Variants in KL observed in about 807,000 individuals in gnomAD.
KL encodes klotho, also known as alpha-klotho.
In KL, 62 loss-of-function variants were observed where a neutral mutation model predicts 84.2. The ratio of observed to expected loss-of-function variants is 0.74; its 90% CI spans 0.60 to 0.91. The LOEUF (loss-of-function observed/expected upper bound fraction) is 0.91. Among genes scored for constraint, KL ranks in the 40% least tolerant of loss-of-function variants. The pLI, the probability that KL is intolerant of heterozygous loss-of-function variation, is 0.00. For missense variants in KL, 1,261 were observed against 1,305.7 expected, an observed-to-expected ratio of 0.97 and a Z score of 0.53; for synonymous variants, 528 against 528.0, an observed-to-expected ratio of 1.00 and a Z score of 0.00.
rs560526717 is a variant in KL at position 33,058,506 on chromosome 13, A to G, written c.1600-2173A>G. Among the ~76,000 whole-genome samples, 27 of 151,956 alleles carry G rather than the reference A, an allele frequency of 1.8e-4. No individual in the cohort carries two copies. In the East Asian group the frequency reaches 4.3e-3, roughly 24 times the overall value. ...CAGGTGCCCGCCACCGCACCCGGCT[A>G]ATTTTTTGTATTTTTAGTAGAGACC... On this transcript the variant is annotated intron_variant, in intron 3 of 4. Transcript: ENST00000380099.
chr13:33,046,776 G>T, intron 1 of KL, among the ~76,000 whole-genome samples: 2 of 148,902 alleles, frequency 1.3e-5, no homozygotes, highest in Non-Finnish European at 3.0e-5. Flanking sequence ...GGTATTTAAA[G>T]CTATAAAATT....
chr13:33,047,313 C>T (rs1871571748), intron 1 of KL, among the ~76,000 whole-genome samples: 1 of 151,812 alleles, frequency 6.6e-6, no homozygotes, highest in African/African-American at 2.4e-5. Flanking sequence ...ATATTTCTTG[C>T]ACACAGAATG....
At chr13:33,018,596 G>A (rs1332281613) in intron 1 of KL, among the ~76,000 whole-genome samples, 1 of 152,164 alleles carries the variant, frequency 6.6e-6, no homozygotes, top group Non-Finnish European at 1.5e-5. Flanking sequence ...TTTTAGAGCG[G>A]TGATTCTTAT....
At chr13:33,060,644 C>T in intron 3 of KL, 35 bp from the exon 4 acceptor site, 1 of 1,613,644 alleles carries the variant, frequency 6.2e-7, no homozygotes, top group African/African-American at 1.3e-5. Context: ...TCAGGACTGC[C>T]CAGGTGACGC....
intron 4 of KL, among the ~76,000 whole-genome samples, chr13:33,063,147 C>G (rs887364943): frequency 1.3e-5 from 2 of 151,748 alleles, no homozygotes; most frequent in African/African-American, 4.8e-5. Flanking sequence ...GGAAAAACAA[C>G]TGAAGTGACC....
Position 33,016,615 on chromosome 13 carries a change from G to A in KL, c.175G>A (p.Gly59Ser). The A allele has an allele frequency of 6.5e-7, 1 of 1,537,630 alleles. No individual in the cohort carries two copies. Among genetic ancestry groups the A allele is most frequent in the Admixed American group, 2.0e-5 (1 of 50,222 alleles). Residue 59 changes from glycine to serine, a missense_variant, in exon 1 of 5, where the codon GGC becomes AGC. Gly to Ser is a moderately conservative substitution (Grantham distance 56). Coordinates refer to ENST00000380099, the MANE Select transcript of KL (RefSeq NM_004795.4). ...CCCCGAGGCCGCGGGCCTCTTCCAG[G>A]GCACCTTCCCCGACGGCTTCCTCTG... ...PAPEAAGLFQ[G>S]TFPDGFLWAV... is the part of the protein sequence containing the mutation.
intron 4 of KL, among the ~76,000 whole-genome samples, chr13:33,062,672 C>CAAAAAAA (rs35287139): frequency 8.8e-5 from 6 of 68,060 alleles, no homozygotes; most frequent in South Asian, 8.1e-4. Flanking sequence ...GACTCCATCT[C>CAAAAAAA]AAAAAAAAAA....
At chr13:33,023,210 A>G (rs1177123479) in intron 1 of KL, among the ~76,000 whole-genome samples, 3 of 152,230 alleles carry the variant, frequency 2.0e-5, no homozygotes, top group Non-Finnish European at 4.4e-5. Context: ...AGTTGAAATC[A>G]GATGGGAACA....
intron 1 of KL, among the ~76,000 whole-genome samples, chr13:33,025,644 A>G (rs1203071916): frequency 6.6e-6 from 1 of 152,150 alleles, no homozygotes; most frequent in African/African-American, 2.4e-5. Flanking sequence ...CTCTCTTAAC[A>G]TTTGCTGTGC....
At chr13:33,037,472 G>T (rs1871179228) in intron 1 of KL, among the ~76,000 whole-genome samples, 1 of 152,040 alleles carries the variant, frequency 6.6e-6, no homozygotes, top group African/African-American at 2.4e-5. Flanking sequence ...TTAATGCCTA[G>T]GTCTAGTGAG....
In KL at chr13:33,061,300, T is replaced by C. The variant is rs770458405; in HGVS notation, c.2221T>C (p.Phe741Leu). The C allele has an allele frequency of 6.2e-7, 1 of 1,614,242 alleles. No individual in the cohort carries two copies. The highest frequency in any genetic ancestry group is 1.1e-5 in the South Asian group (1 of 91,084). ...QADWIEPACP[F>L]SQKDKEVAER... ...TGATTGGATAGAACCTGCCTGCCCTTTCTCCCAAAAGGACAAAGAGGTGGC... is the reference window on the plus strand; with the variant it reads ...TGATTGGATAGAACCTGCCTGCCCTCTCTCCCAAAAGGACAAAGAGGTGGC... Residue 741 changes from phenylalanine to leucine, a missense_variant, in exon 4 of 5, where the codon TTC (phenylalanine) becomes CTC (leucine). Coordinates refer to ENST00000380099, the MANE Select transcript of KL (RefSeq NM_004795.4).
chr13:33,017,550 G>GA, intron 1 of KL, among the ~76,000 whole-genome samples: 1 of 152,284 alleles, frequency 6.6e-6, no homozygotes, highest in East Asian at 1.9e-4. Context: ...GGGTGTAGAG[G>GA]AATTCCTAGA....
At chr13:33,057,596 A>C (rs544802194) in intron 3 of KL, among the ~76,000 whole-genome samples, 14 of 151,802 alleles carry the variant, frequency 9.2e-5, no homozygotes, top group African/African-American at 3.4e-4. Context: ...TGGGGACCCC[A>C]CCCCTCCTCC....
At chr13:33,054,383 G>A in intron 2 of KL, 106 bp downstream of exon 2, 1 of 1,211,430 alleles carries the variant, frequency 8.3e-7, no homozygotes, top group East Asian at 2.4e-5. Flanking sequence ...AAATCCTAAT[G>A]GAGACATTCA....
chr13:33,061,007 C>T lies in KL; in HGVS notation c.1928C>T (p.Pro643Leu), dbSNP rs958969433. 9 of 1,612,880 alleles carry T rather than the reference C, an allele frequency of 5.6e-6. No homozygotes were observed. The highest frequency in any genetic ancestry group is 1.3e-5 in the African/African-American group (1 of 74,910). Residue 643 changes from proline (P) to leucine (L), a missense_variant, in exon 4 of 5, where the codon CCG becomes CTG. Transcript: ENST00000380099. Reference protein sequence around the residue: ...PVVALWQPMAPNQGLPRLLAR... With the variant: ...PVVALWQPMALNQGLPRLLAR... ...GTGGCCCTGTGGCAGCCTATGGCCC[C>T]GAACCAAGGACTGCCGCGCCTCCTG...
chr13:33,041,443 T>C (rs908885262), intron 1 of KL, among the ~76,000 whole-genome samples: 3 of 146,494 alleles, frequency 2.0e-5, no homozygotes, highest in African/African-American at 7.4e-5. Flanking sequence ...AACCTAATAC[T>C]GTAAGTATCT....
intron 4 of KL, among the ~76,000 whole-genome samples, chr13:33,063,499 G>A (rs755959212): frequency 4.6e-5 from 7 of 152,226 alleles, no homozygotes; most frequent in Non-Finnish European, 8.8e-5. Context: ...GTGGCCGGGC[G>A]TGGTGACTCA....
chr13:33,021,297 A>G (rs1340385665), intron 1 of KL, among the ~76,000 whole-genome samples: 1 of 152,244 alleles, frequency 6.6e-6, no homozygotes, highest in Admixed American at 6.5e-5. Flanking sequence ...AGACTCTGAC[A>G]TCTGCAGTGA....
chr13:33,037,445 C>T (rs1593796910), intron 1 of KL, among the ~76,000 whole-genome samples: 1 of 152,144 alleles, frequency 6.6e-6, no homozygotes, highest in East Asian at 1.9e-4. Flanking sequence ...GAGCTGTCAA[C>T]TTTAATACTT....
Sources: allele counts gnomAD v4.1 joint callset (sites outside exome capture counted in the v4.1 genomes callset), GRCh38; gene constraint gnomAD v4.1.1; transcripts MANE v1.5; gene names NCBI Gene and HGNC (gene_info 2026-07-23, HGNC 2026-07-21).